The following RALYL variants were observed in gnomAD, a reference collection of about 807,000 sequenced individuals.
RALYL encodes RALY RNA binding protein like.
Under a neutral mutation model 35.1 loss-of-function variants are expected in RALYL, and 29 were observed. The ratio of observed to expected loss-of-function variants is 0.83; its 90% CI spans 0.61 to 1.13. The LOEUF (loss-of-function observed/expected upper bound fraction) is 1.13. Ranked by LOEUF, RALYL falls within the 50% of genes most tolerant of loss-of-function variation. RALYL has a pLI of 0.00. For missense variants in RALYL, 359 were observed against 360.4 expected, an observed-to-expected ratio of 1.00 and a Z score of 0.03; for synonymous variants, 120 against 127.6, an observed-to-expected ratio of 0.94 and a Z score of 0.40.
chr8:84,226,658 T>A (rs114298350), intron 1 of RALYL, among the ~76,000 whole-genome samples: 77 of 152,198 alleles, frequency 5.1e-4, no homozygotes, highest in African/African-American at 1.7e-3. Flanking sequence ...CCCTTTCAAT[T>A]GTACTTAGCT....
chr8:84,257,116 ATATT>A (rs1240213815), intron 1 of RALYL, among the ~76,000 whole-genome samples: 2 of 151,896 alleles, frequency 1.3e-5, no homozygotes, highest in Non-Finnish European at 2.9e-5. Flanking sequence ...ATTATTTTGG[ATATT>A]TATTAGTTTT....
chr8:84,538,570 C>T (rs1442203112), intron 2 of RALYL, among the ~76,000 whole-genome samples: 1 of 151,778 alleles, frequency 6.6e-6, no homozygotes, highest in East Asian at 1.9e-4. Context: ...AGTGCCTCCA[C>T]CAAAATGAAA....
Position 84,412,891 on chromosome 8 carries a change from A to AT in RALYL, c.-23-116406dup, listed in dbSNP as rs148828432. Among the ~76,000 whole-genome samples the AT allele has an allele frequency of 6.3e-3, 959 of 152,042 alleles. 2 individuals are homozygous for AT. The highest frequency in any genetic ancestry group is 0.012 in the Non-Finnish European group (805 of 67,852). Reference sequence around the variant, plus strand: ...CTGAAATTCCAAGGTGCACCTGGTAATTGGTGACCTTAACAAGTGGTTATG... The same window carrying AT: ...CTGAAATTCCAAGGTGCACCTGGTAATTTGGTGACCTTAACAAGTGGTTATG... On this transcript the variant is annotated intron_variant, in intron 1 of 8. Coordinates refer to ENST00000521268, the MANE Select transcript of RALYL (RefSeq NM_173848.7).
intron 1 of RALYL, among the ~76,000 whole-genome samples, chr8:84,286,726 A>G (rs1837699017): frequency 6.6e-6 from 1 of 152,168 alleles, no homozygotes; most frequent in South Asian, 2.1e-4. Context: ...GGATTAAAAG[A>G]TTTTCTGATT....
intron 3 of RALYL, among the ~76,000 whole-genome samples, chr8:84,799,978 A>AAAAT (rs1452466666): frequency 1.3e-5 from 2 of 152,178 alleles, no homozygotes; most frequent in Admixed American, 6.5e-5. Context: ...ATAAATAAAT[A>AAAAT]AAATAAGGGA....
At chr8:84,335,668 C>A (rs551187235) in intron 1 of RALYL, among the ~76,000 whole-genome samples, 36 of 147,300 alleles carry the variant, frequency 2.4e-4, no homozygotes, top group Non-Finnish European at 5.0e-4. Flanking sequence ...TTGACTACCT[C>A]AAAGAGTGGT....
chr8:84,369,061 A>C (rs1268070454), intron 1 of RALYL, among the ~76,000 whole-genome samples: 2 of 152,140 alleles, frequency 1.3e-5, no homozygotes, highest in African/African-American at 4.8e-5. Flanking sequence ...GAACCTATGA[A>C]TACATGATTT....
chr8:84,297,170 T>C (rs1839911619), intron 1 of RALYL, among the ~76,000 whole-genome samples: 1 of 152,014 alleles, frequency 6.6e-6, no homozygotes, highest in South Asian at 2.1e-4. Flanking sequence ...ATGAGCATAG[T>C]ACCTGATAGG....
At chr8:84,756,000 T>C (rs1035899122) in intron 2 of RALYL, among the ~76,000 whole-genome samples, 24 of 152,258 alleles carry the variant, frequency 1.6e-4, no homozygotes, top group Non-Finnish European at 3.2e-4. Flanking sequence ...CAAAAAGGTT[T>C]ACAGAAAATG....
At chr8:84,683,917 C>G (rs1230439715) in intron 2 of RALYL, among the ~76,000 whole-genome samples, 2 of 152,264 alleles carry the variant, frequency 1.3e-5, no homozygotes, top group East Asian at 1.9e-4. Context: ...AACTCCCGAT[C>G]AGGAACTCTC....
At chr8:84,577,389 A>G (rs1009997578) in intron 2 of RALYL, among the ~76,000 whole-genome samples, 2 of 152,168 alleles carry the variant, frequency 1.3e-5, no homozygotes, top group Non-Finnish European at 2.9e-5. Flanking sequence ...GTGACAGACG[A>G]ATGGTGGGTG....
chr8:84,785,395 C>G (rs1315894898), intron 3 of RALYL, among the ~76,000 whole-genome samples: 1 of 152,140 alleles, frequency 6.6e-6, no homozygotes, highest in Non-Finnish European at 1.5e-5. Flanking sequence ...GCCCCATTTT[C>G]TCATAGTAAA....
intron 2 of RALYL, among the ~76,000 whole-genome samples, chr8:84,657,231 C>T (rs1269794927): frequency 2.6e-5 from 4 of 152,064 alleles, no homozygotes; most frequent in East Asian, 3.9e-4. Context: ...TCTCCTGTAC[C>T]GTTTAAAAAC....
At chr8:84,388,615 G>GT (rs1245552799) in intron 1 of RALYL, among the ~76,000 whole-genome samples, 1 of 152,028 alleles carries the variant, frequency 6.6e-6, no homozygotes, top group African/African-American at 2.4e-5. Flanking sequence ...TTTTTCATGT[G>GT]TTTTTTGGCT....
At chr8:84,246,658 G>T (rs575920256) in intron 1 of RALYL, among the ~76,000 whole-genome samples, 5 of 152,122 alleles carry the variant, frequency 3.3e-5, no homozygotes, top group Non-Finnish European at 7.4e-5. Context: ...ACTTAAGCAG[G>T]ATCCTAAAGC....
intron 2 of RALYL, among the ~76,000 whole-genome samples, chr8:84,759,493 C>A (rs1008006878): frequency 6.6e-6 from 1 of 152,114 alleles, no homozygotes; most frequent in African/African-American, 2.4e-5. Context: ...ACATCCATAC[C>A]TTTCTCTTTC....
chr8:84,660,312 T>C (rs902384282), intron 2 of RALYL, among the ~76,000 whole-genome samples: 14 of 152,118 alleles, frequency 9.2e-5, no homozygotes, highest in Non-Finnish European at 2.1e-4. Context: ...TATTAAGTAG[T>C]TTATGTTATC....
chr8:84,819,721 G>A (rs1336838142), intron 4 of RALYL, among the ~76,000 whole-genome samples: 1 of 152,280 alleles, frequency 6.6e-6, no homozygotes, highest in East Asian at 1.9e-4. Flanking sequence ...GCAATTGCAG[G>A]TTATAGCAGG....
chr8:84,223,166 C>CTCCCTTCCCTTCCCTTCCCTTCCCT (rs11277780), intron 1 of RALYL, among the ~76,000 whole-genome samples: 1 of 83,840 alleles, frequency 1.2e-5, no homozygotes, highest in African/African-American at 5.8e-5. Context: ...TCTTTCCTTC[C>CTCCCTTCCCTTCCCTTCCCTTCCCT]TCCCTTCCCT....
Sources: allele counts gnomAD v4.1 joint callset (sites outside exome capture counted in the v4.1 genomes callset), GRCh38; gene constraint gnomAD v4.1.1; transcripts MANE v1.5; gene names NCBI Gene and HGNC (gene_info 2026-07-23, HGNC 2026-07-21).